The following SHB variants were observed in gnomAD, a reference collection of about 807,000 sequenced individuals.
SHB encodes SH2 domain containing adaptor protein B, also known as SH2 domain-containing adapter protein B.
SHB carries 20 observed loss-of-function variants against 52.3 expected under a neutral mutation model. The ratio of observed to expected loss-of-function variants is 0.38; its 90% CI spans 0.27 to 0.56. SHB has a LOEUF of 0.56. Among genes scored for constraint, SHB ranks in the 20% least tolerant of loss-of-function variants. The pLI, the probability that SHB is intolerant of heterozygous loss-of-function variation, is 0.71. For synonymous variants in SHB, 397 were observed against 316.5 expected (o/e 1.25, Z -2.70); for missense variants, 825 against 723.3 (o/e 1.14, Z -1.61).
At chr9:37,961,819 T>C (rs569592942) in intron 3 of SHB, among the ~76,000 whole-genome samples, 7 of 152,360 alleles carry the variant, frequency 4.6e-5, no homozygotes, top group Admixed American at 4.6e-4. Context: ...ACCACTGTCC[T>C]GGCACTGGCC....
intron 5 of SHB, among the ~76,000 whole-genome samples, chr9:37,939,152 G>A (rs1832408806): frequency 6.6e-6 from 1 of 152,158 alleles, no homozygotes; most frequent in African/African-American, 2.4e-5. Context: ...CTCTCATCAG[G>A]TATGTAGGCC....
At chr9:37,987,685 C>T (rs1034690342) in intron 2 of SHB, among the ~76,000 whole-genome samples, 1 of 152,210 alleles carries the variant, frequency 6.6e-6, no homozygotes, top group Non-Finnish European at 1.5e-5. Context: ...TATCTGACCA[C>T]ATACAAGTCC....
chr9:37,987,719 G>A (rs1424530151), intron 2 of SHB, among the ~76,000 whole-genome samples: 1 of 152,182 alleles, frequency 6.6e-6, no homozygotes, highest in Non-Finnish European at 1.5e-5. Flanking sequence ...CATGGTTGGG[G>A]GGCCTGGGAG....
intron 2 of SHB, among the ~76,000 whole-genome samples, chr9:37,991,981 T>G (rs1820887699): frequency 6.6e-6 from 1 of 152,192 alleles, no homozygotes; most frequent in African/African-American, 2.4e-5. Context: ...ATGCTTCTGG[T>G]GACTAGTGGC....
intron 1 of SHB, among the ~76,000 whole-genome samples, chr9:38,051,447 A>AG (rs1480009367): frequency 6.6e-6 from 1 of 151,562 alleles, no homozygotes; most frequent in Non-Finnish European, 1.5e-5. Flanking sequence ...GTCTAAAAAA[A>AG]AAAAAAAAAA....
intron 1 of SHB, among the ~76,000 whole-genome samples, chr9:38,024,565 T>A (rs1006229132): frequency 3.9e-5 from 6 of 152,200 alleles, no homozygotes; most frequent in South Asian, 4.1e-4. Flanking sequence ...CAGCCCACTG[T>A]CTTCCAGCTT....
chr9:37,930,996 C>T (rs1832305487), intron 5 of SHB, among the ~76,000 whole-genome samples: 1 of 151,988 alleles, frequency 6.6e-6, no homozygotes, highest in Non-Finnish European at 1.5e-5. Flanking sequence ...GATGAGGGTA[C>T]CAAGAAGACA....
intron 1 of SHB, among the ~76,000 whole-genome samples, chr9:38,023,502 C>T (rs527375400): frequency 6.6e-6 from 1 of 152,060 alleles, no homozygotes; most frequent in Non-Finnish European, 1.5e-5. Flanking sequence ...TCTCTGCCCA[C>T]GAGAAGATGA....
At chr9:38,047,591 T>C (rs1013265444) in intron 1 of SHB, among the ~76,000 whole-genome samples, 4 of 152,182 alleles carry the variant, frequency 2.6e-5, no homozygotes, top group African/African-American at 7.2e-5. Context: ...ACCACAATTA[T>C]AAACACAGAA....
At chr9:37,963,724 G>C (rs973978737) in intron 3 of SHB, among the ~76,000 whole-genome samples, 1 of 152,142 alleles carries the variant, frequency 6.6e-6, no homozygotes, top group Admixed American at 6.5e-5. Flanking sequence ...AAGGAGGGGA[G>C]ATTATGCATT....
In SHB at chr9:37,930,156, G is replaced by A. The variant is rs74578789; in HGVS notation, c.1347-10152C>T. On this transcript the variant is annotated intron_variant, in intron 5 of 5. Transcript: ENST00000377707. The stretch of plus-strand genomic sequence containing the variant: ...GGAAACTGGTCATAGATGGTCAATG[G>A]CATTTATTAAGTGTCTACTGTGTGC... 8.4e-3 allele frequency among the ~76,000 whole-genome samples: 1,278 copies of A among 152,210 alleles called. 15 individuals are homozygous for A. The highest frequency in any genetic ancestry group is 0.03 in the African/African-American group (1,225 of 41,516).
chr9:37,974,525 A>C (rs1772385250), intron 3 of SHB, 97 bp downstream of exon 3: 1 of 1,043,922 alleles, frequency 9.6e-7, no homozygotes, highest in East Asian at 2.4e-5. Context: ...TGGATTATTA[A>C]ACAACCCTGG....
chr9:38,027,505 A>G (rs950982421), intron 1 of SHB, among the ~76,000 whole-genome samples: 1 of 151,994 alleles, frequency 6.6e-6, no homozygotes, highest in African/African-American at 2.4e-5. Context: ...ACAGACCTTG[A>G]AGCAGGCACT....
chr9:37,999,041 G>A (rs1820982150), intron 2 of SHB, among the ~76,000 whole-genome samples: 1 of 152,206 alleles, frequency 6.6e-6, no homozygotes, highest in African/African-American at 2.4e-5. Flanking sequence ...GCCCTGGGGA[G>A]CCCCTCAGTG....
chr9:38,037,692 C>T (rs1821506293), intron 1 of SHB, among the ~76,000 whole-genome samples: 2 of 152,148 alleles, frequency 1.3e-5, no homozygotes, highest in African/African-American at 4.8e-5. Flanking sequence ...TTCTGAGAAC[C>T]CCACCTCCGC....
At chr9:37,954,784 G>A (rs949350332) in intron 4 of SHB, among the ~76,000 whole-genome samples, 1 of 152,188 alleles carries the variant, frequency 6.6e-6, no homozygotes, top group Non-Finnish European at 1.5e-5. Flanking sequence ...GGCTAGGGAG[G>A]TGGGACTTTA....
chr9:37,982,372 A>C (rs1170849021), intron 2 of SHB, among the ~76,000 whole-genome samples: 2 of 152,120 alleles, frequency 1.3e-5, no homozygotes, highest in Non-Finnish European at 2.9e-5. Flanking sequence ...GGGCACCTAT[A>C]ATCCCAGCTA....
intron 1 of SHB, among the ~76,000 whole-genome samples, chr9:38,039,105 A>G (rs1163566439): frequency 2.0e-5 from 3 of 152,140 alleles, no homozygotes; most frequent in Non-Finnish European, 4.4e-5. Context: ...GCCAGAGAAC[A>G]TTTTCTTCCC....
intron 2 of SHB, among the ~76,000 whole-genome samples, chr9:38,003,006 G>A (rs1273915784): frequency 6.6e-6 from 1 of 152,180 alleles, no homozygotes; most frequent in Non-Finnish European, 1.5e-5. Context: ...TGGTCCAGAT[G>A]AAAATTAGTT....
Sources: allele counts gnomAD v4.1 joint callset (sites outside exome capture counted in the v4.1 genomes callset), GRCh38; gene constraint gnomAD v4.1.1; transcripts MANE v1.5; gene names NCBI Gene and HGNC (gene_info 2026-07-23, HGNC 2026-07-21).